The following GMEB1 variants were observed in gnomAD, a reference collection of about 807,000 sequenced individuals.
GMEB1 encodes glucocorticoid modulatory element-binding protein 1.
Under a neutral mutation model 52.4 loss-of-function variants are expected in GMEB1, and 6 were observed. The observed-to-expected ratio is 0.11, with a 90% CI of 0.06 to 0.23. The LOEUF is 0.23. Ranked by LOEUF, GMEB1 falls within the 10% of genes least tolerant of loss-of-function variation. GMEB1 has a pLI of 1.00. For missense variants in GMEB1, 486 were observed against 685.6 expected (o/e 0.71, Z 3.25); for synonymous variants, 255 against 244.9 (o/e 1.04, Z -0.38).
At chr1:28,676,166 C>A (rs777151232) in intron 1 of GMEB1, among the ~76,000 whole-genome samples, 1 of 152,092 alleles carries the variant, frequency 6.6e-6, no homozygotes, top group Non-Finnish European at 1.5e-5. Flanking sequence ...GTTAGTCAAC[C>A]ATCTATTCAG....
chr1:28,704,484 C>CT (rs1399664383), intron 8 of GMEB1, among the ~76,000 whole-genome samples, 155 bp downstream of exon 8: 3 of 152,126 alleles, frequency 2.0e-5, no homozygotes, highest in South Asian at 2.1e-4. Flanking sequence ...AGTCACTTGT[C>CT]TAAGGTTCAT....
intron 1 of GMEB1, among the ~76,000 whole-genome samples, chr1:28,676,789 C>T (rs965862156): frequency 2.0e-5 from 3 of 151,914 alleles, no homozygotes; most frequent in African/African-American, 4.8e-5. Flanking sequence ...ATCAAGTGGC[C>T]GGGCGCCATG....
intron 5 of GMEB1, among the ~76,000 whole-genome samples, chr1:28,695,381 C>T (rs1670153768): frequency 6.6e-6 from 1 of 151,618 alleles, no homozygotes; most frequent in Non-Finnish European, 1.5e-5. Flanking sequence ...TATAGGCATG[C>T]GTCACCATGC....
chr1:28,697,921 C>T (rs1042516593), intron 6 of GMEB1, among the ~76,000 whole-genome samples: 38 of 151,986 alleles, frequency 2.5e-4, no homozygotes, highest in Non-Finnish European at 4.3e-4. Flanking sequence ...AGGCGGATCA[C>T]GAGGTCAGGA....
chr1:28,672,239 G>C (rs1467343366), intron 1 of GMEB1, among the ~76,000 whole-genome samples: 1 of 97,442 alleles, frequency 1.0e-5, no homozygotes, highest in Non-Finnish European at 2.1e-5. Context: ...ATTTATTTTT[G>C]AGACGGAGTC....
intron 3 of GMEB1, 53 bp downstream of exon 3, chr1:28,690,239 T>A: frequency 4.0e-6 from 3 of 757,492 alleles, no homozygotes; most frequent in Non-Finnish European, 6.2e-6. Context: ...TTCTAATACC[T>A]TTGACTTTAG....
intron 2 of GMEB1, among the ~76,000 whole-genome samples, chr1:28,688,530 G>T (rs1669799506): frequency 6.6e-6 from 1 of 152,152 alleles, no homozygotes; most frequent in South Asian, 2.1e-4. Context: ...GCCCATAAAT[G>T]TAGAGATATC....
chr1:28,669,063 T>A (rs1387393104), intron 1 of GMEB1, among the ~76,000 whole-genome samples: 4 of 142,514 alleles, frequency 2.8e-5, no homozygotes, highest in African/African-American at 1.0e-4. Flanking sequence ...TGCCGCTGGG[T>A]CCGCCCGAGC....
chr1:28,669,551 C>T (rs972372635), intron 1 of GMEB1, among the ~76,000 whole-genome samples: 1 of 151,918 alleles, frequency 6.6e-6, no homozygotes, highest in Non-Finnish European at 1.5e-5. Context: ...AGGTTTTTTC[C>T]AAAGGCAGGG....
chr1:28,685,048 A>C (rs1669574586), intron 2 of GMEB1, among the ~76,000 whole-genome samples: 1 of 152,086 alleles, frequency 6.6e-6, no homozygotes. Context: ...TTATGTGTTT[A>C]CCAAAAGACT....
intron 1 of GMEB1, among the ~76,000 whole-genome samples, chr1:28,679,660 A>G (rs1669308098): frequency 6.6e-6 from 1 of 152,130 alleles, no homozygotes; most frequent in Non-Finnish European, 1.5e-5. Context: ...TGTGAGGTAG[A>G]GACTCAATAT....
intron 8 of GMEB1, among the ~76,000 whole-genome samples, chr1:28,707,442 A>G (rs902104066): frequency 3.0e-4 from 46 of 152,164 alleles, no homozygotes; most frequent in African/African-American, 1.1e-3. Flanking sequence ...ATAATGTATC[A>G]TGGATTAGAG....
chr1:28,670,107 C>T (rs1325230099), intron 1 of GMEB1, among the ~76,000 whole-genome samples: 1 of 152,116 alleles, frequency 6.6e-6, no homozygotes, highest in Non-Finnish European at 1.5e-5. Context: ...TTATCTTCTT[C>T]CTCCTTGCCT....
At chr1:28,704,760 A>G (rs1310562519) in intron 8 of GMEB1, among the ~76,000 whole-genome samples, 1 of 151,758 alleles carries the variant, frequency 6.6e-6, no homozygotes, top group African/African-American at 2.4e-5. Context: ...GGCGCCCACC[A>G]CCACATCCGG....
At position 28,683,737 on chromosome 1, in the gene GMEB1, A is replaced by G. The variant is rs768579198; in HGVS notation, c.125A>G (p.Gln42Arg). The change falls in exon 2 of 10, where the codon CAA becomes CGA. Residue 42 changes from glutamine to arginine, a missense_variant. Gln to Arg is a conservative substitution (Grantham distance 43). Coordinates refer to ENST00000373816, the MANE Select transcript of GMEB1 (RefSeq NM_001319674.2). ...QVILQLQPVQQGIYEAGSENN... is the reference protein window; with the variant it reads ...QVILQLQPVQRGIYEAGSENN... ...ATTTTGCAGTTACAGCCTGTGCAACAAGGGTAAGTGGCTAGAGATTTGGGT... is the reference window on the plus strand; with the variant it reads ...ATTTTGCAGTTACAGCCTGTGCAACGAGGGTAAGTGGCTAGAGATTTGGGT... The G allele has an allele frequency of 4.3e-6, 7 of 1,612,878 alleles. No individual in the cohort carries two copies. Among genetic ancestry groups the G allele is most frequent in the Non-Finnish European group, 5.9e-6 (7 of 1,179,550 alleles).
chr1:28,689,269 G>A (rs1459020597), intron 2 of GMEB1, among the ~76,000 whole-genome samples: 1 of 151,980 alleles, frequency 6.6e-6, no homozygotes, highest in African/African-American at 2.4e-5. Flanking sequence ...CAGGTGATCT[G>A]TCCACCTCAA....
chr1:28,685,415 C>T (rs1437326249), intron 2 of GMEB1, among the ~76,000 whole-genome samples: 1 of 151,926 alleles, frequency 6.6e-6, no homozygotes, highest in Non-Finnish European at 1.5e-5. Context: ...TAGCTGAGAT[C>T]ATGCCACTGC....
intron 2 of GMEB1, among the ~76,000 whole-genome samples, chr1:28,689,403 G>T (rs1210126166): frequency 6.6e-6 from 1 of 152,008 alleles, no homozygotes; most frequent in Non-Finnish European, 1.5e-5. Context: ...GAGGCAGGCG[G>T]ATCACGAGGT....
At chr1:28,670,173 A>ATTTATTTG (rs1049993116) in intron 1 of GMEB1, among the ~76,000 whole-genome samples, 1 of 151,752 alleles carries the variant, frequency 6.6e-6, no homozygotes. Context: ...TTATTTATTT[A>ATTTATTTG]TTTGTTTTTT....
Sources: allele counts gnomAD v4.1 joint callset (sites outside exome capture counted in the v4.1 genomes callset), GRCh38; gene constraint gnomAD v4.1.1; transcripts MANE v1.5; gene names NCBI Gene and HGNC (gene_info 2026-07-23, HGNC 2026-07-21).